Variants in MSRA observed in about 807,000 individuals in gnomAD.
MSRA encodes the protein methionine sulfoxide reductase A, also known as mitochondrial peptide methionine sulfoxide reductase.
MSRA carries 54 observed loss-of-function variants against 31.3 expected under a neutral mutation model. The observed-to-expected ratio is 1.73, with a 90% CI of 1.39 to 2.17. The LOEUF is 2.17. MSRA is among the 30% of genes most tolerant of loss of function. MSRA has a pLI of 0.00. For missense variants in MSRA, 507 were observed against 300.9 expected, an observed-to-expected ratio of 1.69 and a Z score of -5.07; for synonymous variants, 169 against 116.5, an observed-to-expected ratio of 1.45 and a Z score of -2.90.
chr8:10,154,709 A>T (rs1052208624), intron 1 of MSRA, among the ~76,000 whole-genome samples: 2 of 152,160 alleles, frequency 1.3e-5, no homozygotes, highest in African/African-American at 4.8e-5. Flanking sequence ...ATAAATTTCC[A>T]TTTTAAATGA....
intron 2 of MSRA, among the ~76,000 whole-genome samples, chr8:10,237,802 A>G (rs75119184): frequency 0.028 from 4,191 of 152,284 alleles, 187 homozygotes; most frequent in East Asian, 0.19. Flanking sequence ...AAATATATCC[A>G]GATTCTAATC....
At chr8:10,078,949 T>A (rs770460698) in intron 1 of MSRA, among the ~76,000 whole-genome samples, 5 of 152,218 alleles carry the variant, frequency 3.3e-5, no homozygotes, top group Admixed American at 2.6e-4. Context: ...CTCGCTAGCT[T>A]TTCATGTGAG....
chr8:10,195,378 C>A (rs1170869889), intron 1 of MSRA, among the ~76,000 whole-genome samples: 1 of 152,146 alleles, frequency 6.6e-6, no homozygotes, highest in Non-Finnish European at 1.5e-5. Context: ...GTAGCTGGGA[C>A]TACAGGCACA....
At chr8:10,425,220 C>T (rs1455922066) in intron 5 of MSRA, among the ~76,000 whole-genome samples, 2 of 152,200 alleles carry the variant, frequency 1.3e-5, no homozygotes, top group African/African-American at 2.4e-5. Flanking sequence ...GGCCGGTGGC[C>T]GCCACCTCTA....
chr8:10,394,765 A>G (rs1806989594), intron 5 of MSRA, among the ~76,000 whole-genome samples: 1 of 152,244 alleles, frequency 6.6e-6, no homozygotes, highest in Non-Finnish European at 1.5e-5. Context: ...TTGGTTAGCA[A>G]GACACTAGGA....
intron 1 of MSRA, among the ~76,000 whole-genome samples, chr8:10,203,201 T>G (rs1808653693): frequency 6.6e-6 from 1 of 152,092 alleles, no homozygotes; most frequent in Admixed American, 6.6e-5. Flanking sequence ...TCATGCAGTA[T>G]TTCTGGTCTT....
At chr8:10,333,802 C>A (rs1668442718) in intron 5 of MSRA, among the ~76,000 whole-genome samples, 1 of 151,784 alleles carries the variant, frequency 6.6e-6, no homozygotes, top group African/African-American at 2.4e-5. Context: ...CGTTTCTTCT[C>A]CACCCCACCC....
intron 5 of MSRA, among the ~76,000 whole-genome samples, chr8:10,413,288 A>G (rs141129240): frequency 0.014 from 2,165 of 152,324 alleles, 30 homozygotes; most frequent in Non-Finnish European, 0.022. Context: ...CCTGTAAGGA[A>G]TTCGGTGCCT....
At chr8:10,281,024 T>G (rs13272537) in intron 3 of MSRA, among the ~76,000 whole-genome samples, 29,029 of 152,198 alleles carry the variant, frequency 0.19, 3,693 homozygotes, top group Non-Finnish European at 0.29. Flanking sequence ...TTGGGAATGA[T>G]AGCTAAAGTG....
At chr8:10,207,986 C>A in intron 2 of MSRA, 85 bp downstream of exon 2, 2 of 1,037,588 alleles carry the variant, frequency 1.9e-6, no homozygotes, top group Non-Finnish European at 1.4e-6. Flanking sequence ...GTTCTCAGGG[C>A]TTCAAAATCT....
At chr8:10,284,395 T>A (rs953906797) in intron 3 of MSRA, among the ~76,000 whole-genome samples, 1 of 152,082 alleles carries the variant, frequency 6.6e-6, no homozygotes, top group African/African-American at 2.4e-5. Flanking sequence ...GGTTTCACCA[T>A]GTTAGCCAGG....
At chr8:10,261,601 A>T (rs1798487506) in intron 3 of MSRA, among the ~76,000 whole-genome samples, 1 of 152,164 alleles carries the variant, frequency 6.6e-6, no homozygotes, top group African/African-American at 2.4e-5. Context: ...AGTAAGCAGG[A>T]AGTACACAGA....
chr8:10,269,176 G>A (rs1798900216), intron 3 of MSRA, among the ~76,000 whole-genome samples: 1 of 152,220 alleles, frequency 6.6e-6, no homozygotes. Flanking sequence ...ATGGGCAAGA[G>A]TAGAATTCAT....
At chr8:10,056,284 A>G (rs577404353) in intron 1 of MSRA, among the ~76,000 whole-genome samples, 1 of 152,096 alleles carries the variant, frequency 6.6e-6, no homozygotes, top group East Asian at 1.9e-4. Flanking sequence ...AGATGGACCA[A>G]AATTTACTTT....
chr8:10,230,765 A>T (rs1811395650), intron 2 of MSRA, among the ~76,000 whole-genome samples: 1 of 152,134 alleles, frequency 6.6e-6, no homozygotes. Flanking sequence ...CTTGCATCTT[A>T]CCTATTTGTG....
intron 1 of MSRA, among the ~76,000 whole-genome samples, chr8:10,065,485 T>A (rs549352059): frequency 1.3e-5 from 2 of 152,344 alleles, no homozygotes; most frequent in Admixed American, 1.3e-4. Context: ...GTTTAGACCT[T>A]GGATGAGTAG....
intron 1 of MSRA, among the ~76,000 whole-genome samples, chr8:10,167,048 C>G (rs1310886778): frequency 6.6e-6 from 1 of 152,160 alleles, no homozygotes; most frequent in Non-Finnish European, 1.5e-5. Context: ...AGCCAAATAT[C>G]TTGGCGCTGG....
chr8:10,295,736 C>A (rs529385847), intron 3 of MSRA, among the ~76,000 whole-genome samples: 1 of 150,794 alleles, frequency 6.6e-6, no homozygotes, highest in East Asian at 1.9e-4. Context: ...TGGACTTGTA[C>A]TCTGGATCTG....
At chr8:10,271,065 C>CT (rs71837112) in intron 3 of MSRA, among the ~76,000 whole-genome samples, 247 of 142,902 alleles carry the variant, frequency 1.7e-3, no homozygotes, top group East Asian at 0.012. Flanking sequence ...GTTCTTTCTT[C>CT]TTTTTTTTTT....
Sources: allele counts gnomAD v4.1 joint callset (sites outside exome capture counted in the v4.1 genomes callset), GRCh38; gene constraint gnomAD v4.1.1; transcripts MANE v1.5; gene names NCBI Gene and HGNC (gene_info 2026-07-23, HGNC 2026-07-21).